Variants in SGCZ observed in about 807,000 individuals in gnomAD.
SGCZ encodes the protein zeta-sarcoglycan.
Under a neutral mutation model 41.3 loss-of-function variants are expected in SGCZ, and 40 were observed. The observed-to-expected ratio is 0.97, with a 90% CI of 0.75 to 1.26. The LOEUF is 1.26. SGCZ is among the 50% of genes most tolerant of loss of function. The pLI is 0.00. For synonymous variants in SGCZ, 206 were observed against 137.5 expected, an observed-to-expected ratio of 1.50 and a Z score of -3.49; for missense variants, 552 against 369.8, an observed-to-expected ratio of 1.49 and a Z score of -4.04.
chr8:14,671,514 A>G lies in SGCZ; in HGVS notation c.40-116588T>C, dbSNP rs572794399. Among the ~76,000 whole-genome samples, 139 of 152,308 alleles carry G rather than the reference A, an allele frequency of 9.1e-4. 1 individual carries two copies. The highest frequency in any genetic ancestry group is 3.3e-3 in the African/African-American group (136 of 41,584). On this transcript the variant is annotated intron_variant, in intron 1 of 7. Coordinates refer to ENST00000382080, the MANE Select transcript of SGCZ (RefSeq NM_139167.4). ...AAGATCTAACTGTAGGCTAGCACAA[A>G]CACAATTAAATTTCAAGAAGGACTT...
At chr8:14,282,356 CA>C (rs11297233) in intron 3 of SGCZ, among the ~76,000 whole-genome samples, 148,941 of 151,650 alleles carry the variant, frequency 0.98, 73,201 homozygotes, top group East Asian at 1. Flanking sequence ...CCCTTTCTTT[CA>C]AAAAAAAAAT....
intron 7 of SGCZ, among the ~76,000 whole-genome samples, chr8:14,094,012 C>G (rs1487600771): frequency 6.6e-6 from 1 of 152,112 alleles, no homozygotes; most frequent in East Asian, 1.9e-4. Flanking sequence ...TTACATGATG[C>G]CTTTTCTTCA....
At chr8:14,958,884 C>T (rs1440564322) in intron 1 of SGCZ, among the ~76,000 whole-genome samples, 2 of 151,996 alleles carry the variant, frequency 1.3e-5, no homozygotes, top group Admixed American at 6.6e-5. Flanking sequence ...GGGGATAAAA[C>T]AAAGATAGCC....
chr8:14,270,920 C>T (rs746636901), intron 3 of SGCZ, among the ~76,000 whole-genome samples: 1 of 152,028 alleles, frequency 6.6e-6, no homozygotes, highest in South Asian at 2.1e-4. Flanking sequence ...AGCTGGAAAC[C>T]ATCATTCTCT....
chr8:14,411,129 TG>T (rs1336307056), intron 2 of SGCZ, among the ~76,000 whole-genome samples: 2 of 152,136 alleles, frequency 1.3e-5, no homozygotes, highest in African/African-American at 2.4e-5. Context: ...CAATGCGTTT[TG>T]TTTCTGCTAT....
chr8:15,037,692 T>A (rs1248280360), intron 1 of SGCZ, among the ~76,000 whole-genome samples: 2 of 152,156 alleles, frequency 1.3e-5, no homozygotes, highest in East Asian at 1.9e-4. Flanking sequence ...CTGTCCCTGT[T>A]TGAAGAGATG....
intron 1 of SGCZ, among the ~76,000 whole-genome samples, chr8:14,789,121 GT>G (rs1800868419): frequency 6.6e-6 from 1 of 151,952 alleles, no homozygotes; most frequent in Non-Finnish European, 1.5e-5. Context: ...TCTTCATAAG[GT>G]ACATCACACT....
intron 3 of SGCZ, among the ~76,000 whole-genome samples, chr8:14,239,899 CTCAAAAAAAAAAAAAAA>C (rs1563205197): frequency 3.6e-5 from 3 of 83,426 alleles, no homozygotes; most frequent in Admixed American, 1.5e-4. Context: ...GAGACTCCGT[CTCAAAAAAAAAAAAAAA>C]AAAAAAAAAA....
rs527384764 is a variant in SGCZ, at chr8:15,163,270, C to T, written c.39+74315G>A. Among the ~76,000 whole-genome samples the T allele has an allele frequency of 2.0e-5, 3 of 152,326 alleles. No homozygotes were observed. The South Asian group carries it at 6.2e-4, about 32-fold the overall frequency. ...GCATTACCACATTGAATCCACACAA[C>T]GTCTTATGAGGTAGACACAAAAATT... On this transcript the variant is annotated intron_variant, in intron 1 of 7. Transcript: ENST00000382080.
At chr8:14,993,887 C>G (rs916121968) in intron 1 of SGCZ, among the ~76,000 whole-genome samples, 1 of 152,244 alleles carries the variant, frequency 6.6e-6, no homozygotes, top group South Asian at 2.1e-4. Context: ...TTGAATAAAG[C>G]GTCATATGAC....
chr8:14,225,856 G>A (rs1029251400), intron 4 of SGCZ, among the ~76,000 whole-genome samples: 1 of 152,044 alleles, frequency 6.6e-6, no homozygotes, highest in South Asian at 2.1e-4. Flanking sequence ...GAAGGCTTGA[G>A]TTATTTCAAT....
intron 1 of SGCZ, among the ~76,000 whole-genome samples, chr8:15,150,723 C>T (rs750094783): frequency 1.6e-4 from 25 of 152,188 alleles, no homozygotes; most frequent in Non-Finnish European, 2.6e-4. Context: ...TAAATTCTCT[C>T]ACCAGGCATA....
intron 1 of SGCZ, among the ~76,000 whole-genome samples, chr8:14,683,694 G>A (rs1024658268): frequency 6.6e-6 from 1 of 152,054 alleles, no homozygotes; most frequent in African/African-American, 2.4e-5. Context: ...TAGTACAAGT[G>A]TATAATTCTT....
chr8:14,808,407 CA>C (rs1563284275), intron 1 of SGCZ, among the ~76,000 whole-genome samples: 1 of 152,078 alleles, frequency 6.6e-6, no homozygotes, highest in Non-Finnish European at 1.5e-5. Flanking sequence ...ACAACCCCAT[CA>C]AAAAGTGGGC....
intron 2 of SGCZ, among the ~76,000 whole-genome samples, chr8:14,463,524 A>T (rs1262745914): frequency 6.6e-6 from 1 of 151,670 alleles, no homozygotes; most frequent in African/African-American, 2.4e-5. Flanking sequence ...ATGAAATCTA[A>T]AACTATAAAA....
chr8:15,133,594 C>T (rs1807996232), intron 1 of SGCZ, among the ~76,000 whole-genome samples: 1 of 152,168 alleles, frequency 6.6e-6, no homozygotes, highest in Non-Finnish European at 1.5e-5. Context: ...TGCAGTATCT[C>T]ACTTGTAGGA....
chr8:14,278,107 A>C (rs993617737), intron 3 of SGCZ, among the ~76,000 whole-genome samples: 1 of 152,032 alleles, frequency 6.6e-6, no homozygotes, highest in Non-Finnish European at 1.5e-5. Context: ...AGTTTCCCAA[A>C]ATAATCATTT....
chr8:14,458,813 T>G (rs1177239565), intron 2 of SGCZ, among the ~76,000 whole-genome samples: 1 of 152,196 alleles, frequency 6.6e-6, no homozygotes, highest in Non-Finnish European at 1.5e-5. Context: ...ACAGAGCTCT[T>G]GGTTTAAAAG....
At chr8:14,618,137 T>G (rs904228440) in intron 1 of SGCZ, among the ~76,000 whole-genome samples, 1 of 152,124 alleles carries the variant, frequency 6.6e-6, no homozygotes, top group Non-Finnish European at 1.5e-5. Flanking sequence ...TCTAGATACT[T>G]AGAAAAACTT....
Sources: gnomAD v4.1 joint callset for allele counts (sites outside exome capture counted in the v4.1 genomes callset) on GRCh38, gnomAD v4.1.1 for gene constraint, MANE v1.5 for transcripts, NCBI Gene and HGNC (gene_info 2026-07-23, HGNC 2026-07-21) for gene names.